Variants in EPHB2 observed in about 807,000 individuals in gnomAD.
EPHB2 encodes the protein ephrin type-B receptor 2.
In EPHB2, 18 loss-of-function variants were observed where a neutral mutation model predicts 96.4. That is an observed-to-expected ratio of 0.19 (90% confidence interval 0.13 to 0.28). EPHB2 has a LOEUF of 0.28. Ranked by LOEUF, EPHB2 falls within the 10% of genes least tolerant of loss-of-function variation. EPHB2 has a pLI of 1.00. For missense variants in EPHB2, 989 were observed against 1,355.4 expected (o/e 0.73, Z 4.25); for synonymous variants, 506 against 534.1 (o/e 0.95, Z 0.72).
chr1:22,901,820 AGTGT>A (rs57503593), intron 9 of EPHB2, among the ~76,000 whole-genome samples: 142 of 148,570 alleles, frequency 9.6e-4, no homozygotes, highest in African/African-American at 1.8e-3. Context: ...TGTGTGTGTG[AGTGT>A]GTGTGTGTGT....
intron 11 of EPHB2, 109 bp downstream of exon 11, chr1:22,907,066 C>T (rs1639941421): frequency 2.1e-6 from 3 of 1,417,340 alleles, no homozygotes; most frequent in Non-Finnish European, 2.8e-6. Context: ...AGCTCTAGGT[C>T]AGGAATGGCT....
chr1:22,714,230 C>T lies in EPHB2; in HGVS notation c.61+3187C>T, dbSNP rs184228956. On this transcript the variant is annotated intron_variant, in intron 1 of 15. Coordinates refer to ENST00000374630, the MANE Select transcript of EPHB2 (RefSeq NM_017449.5). ...TTCCCAGAGGAGGCTGTGAACCCCC[C>T]GGGGCGGCAGGTGCACTTGAGGACA... Among the ~76,000 whole-genome samples the T allele has an allele frequency of 1.1e-4, 17 of 152,272 alleles. No individual in the cohort carries two copies. The East Asian group carries it at 1.4e-3, about 12-fold the overall frequency.
chr1:22,801,892 G>T (rs1189738179), intron 3 of EPHB2, among the ~76,000 whole-genome samples: 1 of 152,212 alleles, frequency 6.6e-6, no homozygotes, highest in Non-Finnish European at 1.5e-5. Flanking sequence ...ACCTCTGCGT[G>T]TTGGGAATCC....
Position 22,860,896 on chromosome 1 carries a change from T to G in EPHB2, c.812-2141T>G, listed in dbSNP as rs996819395. Among the ~76,000 whole-genome samples, 1 of 152,026 alleles carries G rather than the reference T, an allele frequency of 6.6e-6. No homozygotes were observed. Among genetic ancestry groups the G allele is most frequent in the Non-Finnish European group, 1.5e-5 (1 of 67,994 alleles). ...GTGAGGCTGCCCCTTCATCCAGCCA[T>G]CAGGGAAAGGTCGGTGCCCAAGAGG... On this transcript the variant is annotated intron_variant, in intron 3 of 15. Coordinates refer to ENST00000374630, the MANE Select transcript of EPHB2 (RefSeq NM_017449.5). This position sits in a 1 kb window ranked among gnomAD's most constrained non-coding sequence, Gnocchi z 4.6.
intron 3 of EPHB2, among the ~76,000 whole-genome samples, chr1:22,854,741 C>T (rs914897120): frequency 6.6e-6 from 1 of 151,990 alleles, no homozygotes; most frequent in Non-Finnish European, 1.5e-5. Flanking sequence ...AGAAGCACCT[C>T]CTCTCCATCT....
intron 3 of EPHB2, among the ~76,000 whole-genome samples, chr1:22,795,030 T>C (rs1644746895): frequency 6.6e-6 from 1 of 152,238 alleles, no homozygotes; most frequent in Non-Finnish European, 1.5e-5. Context: ...TTCATTGCTC[T>C]GCGGCAGCTG....
chr1:22,736,399 A>G (rs1643828629), intron 1 of EPHB2, among the ~76,000 whole-genome samples: 1 of 152,164 alleles, frequency 6.6e-6, no homozygotes, highest in African/African-American at 2.4e-5. Context: ...TTCCTCCCAA[A>G]TAATTCTGGA....
chr1:22,906,636 C>T lies in EPHB2; in HGVS notation c.1889-74C>T. 2 of 1,605,988 alleles carry T rather than the reference C, an allele frequency of 1.2e-6. No individual in the cohort carries two copies. Among genetic ancestry groups the T allele is most frequent in the Non-Finnish European group, 1.7e-6 (2 of 1,176,768 alleles). ...TGTACCTGCAGGCCCCGTGAGTGGA[C>T]ATGACAGGGAACAGGAAGGTGGCCC... On this transcript the variant is annotated intron_variant, in intron 10 of 15. Transcript: ENST00000374630. This position sits in a 1 kb window ranked among gnomAD's most constrained non-coding sequence, Gnocchi z 4.8.
chr1:22,732,444 T>C (rs1643739201), intron 1 of EPHB2, among the ~76,000 whole-genome samples: 1 of 152,208 alleles, frequency 6.6e-6, no homozygotes, highest in Non-Finnish European at 1.5e-5. Context: ...CTTTACCCCA[T>C]CTTCATATAA....
At chr1:22,815,226 G>A (rs1010066861) in intron 3 of EPHB2, among the ~76,000 whole-genome samples, 10 of 152,084 alleles carry the variant, frequency 6.6e-5, no homozygotes, top group African/African-American at 1.9e-4. Flanking sequence ...TTAGCCCGCC[G>A]CCCTTGGAAT....
chr1:22,856,315 C>T (rs978663738), intron 3 of EPHB2, among the ~76,000 whole-genome samples: 5 of 152,172 alleles, frequency 3.3e-5, no homozygotes, highest in African/African-American at 7.2e-5. Context: ...CAGGGGCAGG[C>T]GGGGAGAAAA....
Position 22,865,186 on chromosome 1 carries a change from CTG to C in EPHB2, c.1280_1281del (p.Val427GlufsTer43). On this transcript the variant is annotated frameshift_variant, in exon 5 of 16. Transcript: ENST00000374630. LOFTEE classifies it high-confidence loss of function. The stretch of plus-strand genomic sequence containing the variant: ...AGCCCCTTCTCGCCTCAGTTCGCCT[CTG>C]TGAACATCACCACCAACCAGGCAGG... The C allele has an allele frequency of 6.2e-7, 1 of 1,614,254 alleles. No individual in the cohort carries two copies. Among genetic ancestry groups the C allele is most frequent in the South Asian group, 1.1e-5 (1 of 91,086 alleles).
Position 22,920,088 on chromosome 1 carries a change from A to T in EPHB2, c.*6518A>T, listed in dbSNP as rs904637315. On this transcript the variant is annotated 3_prime_UTR_variant, in exon 16 of 16. Transcript: ENST00000374630. Reference sequence around the variant, plus strand: ...ATCTGAGTTACAGATGCACCTTGGCAAGGGCCAAAGACCCTCCTTTTGAGT... The same window carrying T: ...ATCTGAGTTACAGATGCACCTTGGCTAGGGCCAAAGACCCTCCTTTTGAGT... 3 of 152,236 alleles carry T rather than the reference A, an allele frequency of 2.0e-5. No homozygotes were observed. Among genetic ancestry groups the T allele is most frequent in the African/African-American group, 4.8e-5 (2 of 41,464 alleles). The allele number at this position is 152,236 out of a possible 1,614,324, so 9.4% of individuals were successfully genotyped here.
chr1:22,896,895 G>A (rs1175289406), intron 9 of EPHB2, among the ~76,000 whole-genome samples: 6 of 152,210 alleles, frequency 3.9e-5, no homozygotes, highest in Non-Finnish European at 8.8e-5. Context: ...CCCAGCACCA[G>A]CGTGGTGCCC....
rs1263140048 is a variant in EPHB2, at chr1:22,833,873, G to A, written c.812-29164G>A. Among the ~76,000 whole-genome samples, 5 of 152,202 alleles carry A rather than the reference G, an allele frequency of 3.3e-5. No individual in the cohort carries two copies. The East Asian group carries it at 9.6e-4, about 29-fold the overall frequency. ...AGCCTAAGAGATAATGAGGCACAAA[G>A]GGTAAAAGGAGAGAAAATTATGTAT... On this transcript the variant is annotated intron_variant, in intron 3 of 15. Transcript: ENST00000374630.
chr1:22,738,391 T>C (rs948401822), intron 1 of EPHB2, among the ~76,000 whole-genome samples: 1 of 152,208 alleles, frequency 6.6e-6, no homozygotes, highest in African/African-American at 2.4e-5. Context: ...TCTCCAAGCA[T>C]GGCTGGGTGT....
At chr1:22,905,379 C>G (rs1040036341) in intron 9 of EPHB2, among the ~76,000 whole-genome samples, 8 of 152,106 alleles carry the variant, frequency 5.3e-5, no homozygotes, top group African/African-American at 1.9e-4. Flanking sequence ...GGCCCAGCAG[C>G]TGTGGACACT....
At chr1:22,903,564 G>C (rs1639815359) in intron 9 of EPHB2, among the ~76,000 whole-genome samples, 1 of 152,224 alleles carries the variant, frequency 6.6e-6, no homozygotes. Context: ...TGTGCCATTT[G>C]CTAGCTGTGT....
intron 3 of EPHB2, among the ~76,000 whole-genome samples, chr1:22,833,176 G>A (rs1205538632): frequency 1.3e-5 from 2 of 151,928 alleles, no homozygotes; most frequent in African/African-American, 4.8e-5. Flanking sequence ...GGAGTTCAGT[G>A]GCGCAGTCTC....
Sources: allele counts gnomAD v4.1 joint callset (sites outside exome capture counted in the v4.1 genomes callset), GRCh38; gene constraint gnomAD v4.1.1; non-coding constraint Gnocchi (gnomAD v3.1); transcripts MANE v1.5; gene names NCBI Gene and HGNC (gene_info 2026-07-23, HGNC 2026-07-21).